Variants in ANKFN1 observed in about 807,000 individuals in gnomAD.
ANKFN1 encodes ankyrin repeat and fibronectin type III domain containing 1.
ANKFN1 carries 74 observed loss-of-function variants against 108.7 expected under a neutral mutation model. The ratio of observed to expected loss-of-function variants is 0.68; its 90% confidence interval spans 0.56 to 0.83. The LOEUF is 0.83. ANKFN1 is among the 40% of genes least tolerant of loss of function. ANKFN1 has a pLI of 0.00. For missense variants in ANKFN1, 1,505 were observed against 1,382.3 expected, an observed-to-expected ratio of 1.09 and a Z score of -1.41; for synonymous variants, 547 against 516.2, an observed-to-expected ratio of 1.06 and a Z score of -0.81.
intron 8 of ANKFN1, among the ~76,000 whole-genome samples, chr17:56,412,018 A>ATTC (rs2048107977): frequency 6.6e-6 from 1 of 152,130 alleles, no homozygotes; most frequent in African/African-American, 2.4e-5. Context: ...TTCAGAAATT[A>ATTC]TTCTCTCCTC....
chr17:56,110,664 G>A (rs902809891), intron 4 of ANKFN1, among the ~76,000 whole-genome samples: 1 of 152,234 alleles, frequency 6.6e-6, no homozygotes, highest in Admixed American at 6.5e-5. Context: ...ATGAATGAAT[G>A]AAGGCCAAGA....
chr17:56,303,638 C>CTGTGT (rs1237773441), intron 3 of ANKFN1, among the ~76,000 whole-genome samples: 1 of 152,132 alleles, frequency 6.6e-6, no homozygotes, highest in Non-Finnish European at 1.5e-5. Context: ...GCTCTACACA[C>CTGTGT]ATGCTGTTGA....
At chr17:56,302,562 GA>G in intron 3 of ANKFN1, among the ~76,000 whole-genome samples, 1 of 147,300 alleles carries the variant, frequency 6.8e-6, no homozygotes, top group East Asian at 2.0e-4. Context: ...AAAGAAGAAA[GA>G]AAAAAGAAAA....
chr17:56,486,286 G>A (rs947829153), intron 18 of ANKFN1, among the ~76,000 whole-genome samples: 1 of 152,188 alleles, frequency 6.6e-6, no homozygotes, highest in East Asian at 1.9e-4. Context: ...AGACCACTTG[G>A]TTGGGCTCGG....
Position 56,512,286 on chromosome 17 carries a change from AC to A in ANKFN1, c.*1021del, listed in dbSNP as rs34152320. 6.6e-6 allele frequency among the ~76,000 whole-genome samples: 1 copy of A among 152,064 alleles called. No homozygotes were observed. Among genetic ancestry groups the A allele is most frequent in the African/African-American group, 2.4e-5 (1 of 41,404 alleles). ...GTCAGTCAGCAATGGGCTCCTCACA[AC>A]CCCACAGGCTTATCCACTCACCCTA... On this transcript the variant is annotated 3_prime_UTR_variant, in exon 21 of 21. Coordinates refer to ENST00000682825, the MANE Select transcript of ANKFN1 (RefSeq NM_001370326.1).
At chr17:56,337,709 A>T (rs978621056) in intron 4 of ANKFN1, among the ~76,000 whole-genome samples, 5 of 152,220 alleles carry the variant, frequency 3.3e-5, no homozygotes, top group Non-Finnish European at 7.3e-5. Flanking sequence ...AAAAATGCTC[A>T]TCATCACTGG....
At chr17:56,065,503 T>C (rs1359101040) in intron 4 of ANKFN1, among the ~76,000 whole-genome samples, 1 of 152,316 alleles carries the variant, frequency 6.6e-6, no homozygotes, top group East Asian at 1.9e-4. Context: ...GAGATGCCTT[T>C]CTCGCTAAGT....
intron 3 of ANKFN1, among the ~76,000 whole-genome samples, chr17:56,266,311 T>C (rs754272569): frequency 6.6e-5 from 10 of 152,196 alleles, no homozygotes; most frequent in Non-Finnish European, 1.2e-4. Context: ...AGACACATTG[T>C]TGTTGAATCA....
rs923948062 is a variant in ANKFN1, at chr17:56,183,616, T to C, written c.-70-28982T>C. ...TAATATGCCTGCTTTTGCTTCACCT[T>C]TTGCCATGAGTAAAAATTCCCTGAG... On this transcript the variant is annotated intron_variant, in intron 1 of 20. Transcript: ENST00000682825. Among the ~76,000 whole-genome samples, 4 of 152,164 alleles carry C rather than the reference T, an allele frequency of 2.6e-5. No homozygotes were observed. In the South Asian group the frequency reaches 6.2e-4, roughly 24 times the overall value.
In ANKFN1 at chr17:56,511,883, T is replaced by C. The variant is rs2051785389; in HGVS notation, c.*614T>C. On this transcript the variant is annotated 3_prime_UTR_variant, in exon 21 of 21. Coordinates refer to ENST00000682825, the MANE Select transcript of ANKFN1 (RefSeq NM_001370326.1). ...AGTACTTATCTGATTAAATAGGCCT[T>C]GACAGGCCTTTTTTTCTTCGTATAG... Among the ~76,000 whole-genome samples the C allele has an allele frequency of 6.6e-6, 1 of 152,200 alleles. No individual in the cohort carries two copies. The highest frequency in any genetic ancestry group is 6.5e-5 in the Admixed American group (1 of 15,286).
upstream of ANKFN1, chr17:56,153,463 AC>A: frequency 6.2e-7 from 1 of 1,611,402 alleles, no homozygotes. Context: ...GTTTCCCTCC[AC>A]CCCCCAGGTC....
intron 14 of ANKFN1, among the ~76,000 whole-genome samples, 180 bp from the exon 15 acceptor site, chr17:56,466,176 T>C (rs985592425): frequency 6.6e-6 from 1 of 152,164 alleles, no homozygotes; most frequent in Non-Finnish European, 1.5e-5. Flanking sequence ...GTAAAGACCT[T>C]TGAGCTTCTG....
chr17:56,453,892 C>G (rs1037084919), intron 11 of ANKFN1, among the ~76,000 whole-genome samples: 5 of 151,830 alleles, frequency 3.3e-5, no homozygotes, highest in East Asian at 3.9e-4. Context: ...CTATATGAAA[C>G]CTTTTTTTCC....
At chr17:56,292,802 G>GC (rs1825279635) in intron 3 of ANKFN1, among the ~76,000 whole-genome samples, 1 of 152,156 alleles carries the variant, frequency 6.6e-6, no homozygotes, top group African/African-American at 2.4e-5. Context: ...AAGCCTGACT[G>GC]CCTGGGCTGC....
At chr17:56,441,891 T>C (rs1462328147) in intron 9 of ANKFN1, among the ~76,000 whole-genome samples, 1 of 152,098 alleles carries the variant, frequency 6.6e-6, no homozygotes, top group Non-Finnish European at 1.5e-5. Context: ...GAAAAGTCTC[T>C]ACAAAGATGT....
chr17:56,375,275 T>C (rs751425892), intron 8 of ANKFN1, among the ~76,000 whole-genome samples: 4 of 151,896 alleles, frequency 2.6e-5, no homozygotes, highest in Admixed American at 6.6e-5. Flanking sequence ...CTGGAAGATA[T>C]TGGGGGGAAA....
At chr17:56,132,932 G>A (rs1470311900) in intron 4 of ANKFN1, among the ~76,000 whole-genome samples, 1 of 152,098 alleles carries the variant, frequency 6.6e-6, no homozygotes, top group East Asian at 1.9e-4. Flanking sequence ...ATTTTGGGGG[G>A]AAACAAACAT....
intron 3 of ANKFN1, among the ~76,000 whole-genome samples, chr17:56,318,042 T>C (rs2045257948): frequency 6.6e-6 from 1 of 152,174 alleles, no homozygotes; most frequent in Non-Finnish European, 1.5e-5. Flanking sequence ...AGATTGAGTC[T>C]CCAGACCACA....
intron 3 of ANKFN1, chr17:56,323,440 A>G (rs1205481853): frequency 1.3e-5 from 2 of 152,648 alleles, no homozygotes; most frequent in South Asian, 2.1e-4. Flanking sequence ...TTATGCTAAG[A>G]GTTATAGAGC....
Sources: allele counts gnomAD v4.1 joint callset (sites outside exome capture counted in the v4.1 genomes callset), GRCh38; gene constraint gnomAD v4.1.1; transcripts MANE v1.5; gene names NCBI Gene and HGNC (gene_info 2026-07-23, HGNC 2026-07-21).